AFG3L2: variants seen among roughly 807,000 people sequenced by gnomAD.
AFG3L2 encodes the protein AFG3 like matrix AAA peptidase subunit 2.
A neutral mutation model predicts 94.5 loss-of-function variants in AFG3L2; 54 were observed. That is an observed-to-expected ratio of 0.57 (90% confidence interval 0.46 to 0.72). The LOEUF (loss-of-function observed/expected upper bound fraction) is 0.72. AFG3L2 is among the 30% of genes least tolerant of loss of function. AFG3L2 has a pLI of 0.00. For synonymous variants in AFG3L2, 377 were observed against 365.5 expected (o/e 1.03, Z -0.36); for missense variants, 754 against 994.9 (o/e 0.76, Z 3.26).
At position 12,358,796 on chromosome 18, in the gene AFG3L2, C is replaced by T. The variant is rs564889355; in HGVS notation, c.900G>A (p.Lys300=). The T allele has an allele frequency of 1.9e-6, 3 of 1,614,270 alleles. No individual in the cohort carries two copies. Among genetic ancestry groups the T allele is most frequent in the East Asian group, 2.2e-5 (1 of 44,888 alleles). The change falls in exon 8 of 17, where the codon AAG becomes AAA. Residue 300 remains lysine, a synonymous_variant. Coordinates refer to ENST00000269143, the MANE Select transcript of AFG3L2 (RefSeq NM_006796.3). ...SVGETTAKVL[K]DEIDVKFKDV... is the part of the protein sequence containing the mutation. Reference sequence around the variant, plus strand: ...CTTTGAACTTCACATCAATTTCATCCTTTAAGACCTTGGCAGTGGTTTCTC... The same window carrying T: ...CTTTGAACTTCACATCAATTTCATCTTTTAAGACCTTGGCAGTGGTTTCTC...
intron 1 of AFG3L2, among the ~76,000 whole-genome samples, chr18:12,376,590 C>CCG (rs1420256102): frequency 6.6e-6 from 1 of 152,232 alleles, no homozygotes; most frequent in African/African-American, 2.4e-5. Context: ...CAAAACCCGT[C>CCG]CTTGCGACTA....
rs1568141824 is a variant in AFG3L2, at chr18:12,356,846, AAAG to A, written c.1027-18_1027-16del. The A allele has an allele frequency of 8.1e-6, 13 of 1,613,470 alleles. No homozygotes were observed. Among genetic ancestry groups the A allele is most frequent in the Non-Finnish European group, 1.1e-5 (13 of 1,179,744 alleles). ...AGAATGGCACCCTTCAGATATGAAA[AAAG>A]AAATTACATTTAATGAGAATTCCAG... On this transcript the variant is annotated splice_polypyrimidine_tract_variant and intron_variant, in intron 8 of 16. Coordinates refer to ENST00000269143, the MANE Select transcript of AFG3L2 (RefSeq NM_006796.3).
At position 12,356,149 on chromosome 18, in the gene AFG3L2, C is replaced by CA. The variant is rs200589236; in HGVS notation, c.1164+544dup. 2.3e-3 allele frequency among the ~76,000 whole-genome samples: 337 copies of CA among 147,262 alleles called. 4 individuals carry two copies. Among genetic ancestry groups the CA allele is most frequent in the East Asian group, 6.1e-3 (30 of 4,954 alleles). ...AAAAAAAAAAAATCCACAAATAAAG[C>CA]AAAATTTTTTTTTTTTTTTTGAGAC... is the stretch of plus-strand genomic sequence containing the variant. On this transcript the variant is annotated intron_variant, in intron 9 of 16. Coordinates refer to ENST00000269143, the MANE Select transcript of AFG3L2 (RefSeq NM_006796.3).
At chr18:12,345,253 G>C (rs536553601) in intron 13 of AFG3L2, among the ~76,000 whole-genome samples, 1 of 152,254 alleles carries the variant, frequency 6.6e-6, no homozygotes, top group Non-Finnish European at 1.5e-5. Flanking sequence ...GTCCACCACA[G>C]TGCTGACCGG....
Position 12,356,799 on chromosome 18 carries a change from C to T in AFG3L2, c.1059G>A (p.Gly353=). Residue 353 remains glycine, a synonymous_variant, in exon 9 of 17, where the codon GGG becomes GGA. Transcript: ENST00000269143. The stretch of plus-strand genomic sequence containing the variant: ...CTGTGGCCTTAGCTAGCAGCGTCTT[C>T]CCAGTGCCTGGAGGACCAGTGAGAA... ...GAILTGPPGT[G]KTLLAKATAG... 6.2e-7 allele frequency: 1 copy of T among 1,614,142 alleles called. No individual in the cohort carries two copies. Among genetic ancestry groups the T allele is most frequent in the Non-Finnish European group, 8.5e-7 (1 of 1,180,022 alleles).
At position 12,350,187 on chromosome 18, in the gene AFG3L2, T is replaced by G. The variant is rs377382505; in HGVS notation, c.1552+898A>C. On this transcript the variant is annotated intron_variant, in intron 12 of 16. Transcript: ENST00000269143. ...CACCATGCCCGGCTAATTTCTGTAT[T>G]TTTAGTAGAGACAGGGTTTTGCCAT... Among the ~76,000 whole-genome samples the G allele has an allele frequency of 2.0e-5, 3 of 151,358 alleles. No individual in the cohort carries two copies. In the East Asian group the frequency reaches 5.8e-4, roughly 29 times the overall value.
chr18:12,360,149 T>A (rs923923582), intron 6 of AFG3L2, 98 bp from the exon 7 acceptor site: 2 of 1,116,210 alleles, frequency 1.8e-6, no homozygotes, highest in African/African-American at 3.2e-5. Context: ...CCAGAAATAC[T>A]GAAAATTTAT....
At chr18:12,375,067 AAAAAGAAAAGAAAAG>A (rs922501379) in intron 1 of AFG3L2, among the ~76,000 whole-genome samples, 1 of 151,220 alleles carries the variant, frequency 6.6e-6, no homozygotes, top group Non-Finnish European at 1.5e-5. Flanking sequence ...AAAAAAAAAA[AAAAAGAAAAGAAAAG>A]AAAAGGGATC....
In AFG3L2 at chr18:12,344,413, G is replaced by A. The variant is rs191984869; in HGVS notation, c.1664-166C>T. 19 of 646,106 alleles carry A rather than the reference G, an allele frequency of 2.9e-5. No homozygotes were observed. In the East Asian group the frequency reaches 3.6e-4, roughly 12 times the overall value. The allele number at this position is 646,106 out of a possible 1,614,324, so 40.0% of individuals were successfully genotyped here. ...ATCAAGGCCAGGCGCAGTGGCTCAT[G>A]CCTGTAATCCCAGCACTTTGGGAGG... On this transcript the variant is annotated intron_variant, in intron 13 of 16. Coordinates refer to ENST00000269143, the MANE Select transcript of AFG3L2 (RefSeq NM_006796.3).
In AFG3L2 at chr18:12,329,399, G is replaced by A; in HGVS notation, c.*166C>T. On this transcript the variant is annotated 3_prime_UTR_variant, in exon 17 of 17. Coordinates refer to ENST00000269143, the MANE Select transcript of AFG3L2 (RefSeq NM_006796.3). ...CGGAAAGTCACCTGCCACCCACTGTGACCTCTGAGGCTGAAAGGACTAAGG... is the reference window on the plus strand; with the variant it reads ...CGGAAAGTCACCTGCCACCCACTGTAACCTCTGAGGCTGAAAGGACTAAGG... 1 of 759,408 alleles carries A rather than the reference G, an allele frequency of 1.3e-6. No individual in the cohort carries two copies. Among genetic ancestry groups the A allele is most frequent in the Non-Finnish European group, 2.3e-6 (1 of 438,526 alleles). The allele number at this position is 759,408 out of a possible 1,614,324, so 47.0% of individuals were successfully genotyped here. A position where few individuals can be genotyped will look rare whatever the true frequency, so the allele number is the denominator to read the frequency against.
At chr18:12,330,198 C>T (rs1009054448) in intron 16 of AFG3L2, among the ~76,000 whole-genome samples, 2 of 152,076 alleles carry the variant, frequency 1.3e-5, no homozygotes, top group Non-Finnish European at 2.9e-5. Flanking sequence ...TGGTGGTGTG[C>T]GCCTGTAGTC....
chr18:12,351,028 T>A, intron 12 of AFG3L2, 57 bp downstream of exon 12: 2 of 1,604,498 alleles, frequency 1.2e-6, no homozygotes, highest in Non-Finnish European at 1.7e-6. Flanking sequence ...CGGTACCTGG[T>A]AACTGTTACT....
intron 14 of AFG3L2, chr18:12,341,780 C>A (rs1394684391): frequency 6.6e-6 from 1 of 152,180 alleles, no homozygotes; most frequent in Non-Finnish European, 1.5e-5. Context: ...TGTTTGGTCA[C>A]ATGGAAGTGT....
rs959377776 is a variant in AFG3L2, at chr18:12,371,642, A to C, written c.164T>G (p.Leu55Trp). 2 of 1,614,006 alleles carry C rather than the reference A, an allele frequency of 1.2e-6. No homozygotes were observed. Among genetic ancestry groups the C allele is most frequent in the Non-Finnish European group, 1.7e-6 (2 of 1,180,040 alleles). ...TQARASRNSL[L>W]TDIIAAYQRF... is the part of the protein sequence containing the mutation. ...TTGATAAGCAGCAATTATATCTGTC[A>C]AAAGAGAATTTCTGCTGGCCCTTGC... is the stretch of plus-strand genomic sequence containing the variant. The change falls in exon 2 of 17, where the codon TTG becomes TGG. Residue 55 changes from leucine to tryptophan, a missense_variant. Physicochemically the swap from Leu to Trp is moderately conservative, Grantham distance 61. Transcript: ENST00000269143.
At chr18:12,361,235 T>C (rs1411573502) in intron 6 of AFG3L2, among the ~76,000 whole-genome samples, 1 of 152,140 alleles carries the variant, frequency 6.6e-6, no homozygotes. Flanking sequence ...CTAGGCATGG[T>C]GGCACCCACC....
At position 12,354,873 on chromosome 18, in the gene AFG3L2, C is replaced by G. The variant is rs148592914; in HGVS notation, c.1165-1715G>C. Among the ~76,000 whole-genome samples the G allele has an allele frequency of 8.0e-3, 1,223 of 152,098 alleles. 17 individuals carry two copies. The highest frequency in any genetic ancestry group is 0.028 in the African/African-American group (1,150 of 41,484). ...TTAACACCCAACTCCCCCTCATTCC[C>G]TATTTTTCTATGACTTATCTGCACA... is the stretch of plus-strand genomic sequence containing the variant. On this transcript the variant is annotated intron_variant, in intron 9 of 16. Coordinates refer to ENST00000269143, the MANE Select transcript of AFG3L2 (RefSeq NM_006796.3).
At chr18:12,368,275 C>T (rs1304437376) in intron 3 of AFG3L2, among the ~76,000 whole-genome samples, 1 of 152,178 alleles carries the variant, frequency 6.6e-6, no homozygotes, top group Non-Finnish European at 1.5e-5. Context: ...AGGAGAATCG[C>T]TTGAGTCCTA....
intron 16 of AFG3L2, chr18:12,337,013 G>GC (rs1210450534): frequency 1.9e-6 from 1 of 516,674 alleles, no homozygotes; most frequent in Non-Finnish European, 3.4e-6. Flanking sequence ...GGTAAACCAG[G>GC]CAATCATGCT....
intron 3 of AFG3L2, among the ~76,000 whole-genome samples, chr18:12,368,775 A>AT (rs1428884673): frequency 6.6e-6 from 1 of 152,014 alleles, no homozygotes; most frequent in Non-Finnish European, 1.5e-5. Context: ...TAATTTTTGT[A>AT]TTTTTAGTAG....
Sources: gnomAD v4.1 joint callset for allele counts (sites outside exome capture counted in the v4.1 genomes callset) on GRCh38, gnomAD v4.1.1 for gene constraint, MANE v1.5 for transcripts, NCBI Gene and HGNC (gene_info 2026-07-23, HGNC 2026-07-21) for gene names.